Variants in TXNDC9 observed in about 807,000 individuals in gnomAD.
TXNDC9 encodes thioredoxin domain containing 9.
In TXNDC9, 7 loss-of-function variants were observed where a neutral mutation model predicts 23.0. The observed-to-expected ratio is 0.30, with a 90% CI of 0.17 to 0.57. TXNDC9 has a LOEUF of 0.57. Ranked by LOEUF, TXNDC9 falls within the 20% of genes least tolerant of loss-of-function variation. TXNDC9 has a pLI of 0.90. For synonymous variants in TXNDC9, 72 were observed against 90.6 expected (o/e 0.79, Z 1.17); for missense variants, 198 against 252.6 (o/e 0.78, Z 1.47).
At chr2:99,331,241 C>T (rs750071778) in intron 2 of TXNDC9, among the ~76,000 whole-genome samples, 6 of 152,032 alleles carry the variant, frequency 3.9e-5, no homozygotes, top group Non-Finnish European at 7.4e-5. Flanking sequence ...TCCAATAATC[C>T]GTCCTTTGCA....
chr2:99,336,099 C>A (rs2094239276), intron 1 of TXNDC9, 140 bp downstream of exon 1: 2 of 744,214 alleles, frequency 2.7e-6, no homozygotes, highest in Non-Finnish European at 1.6e-6. Flanking sequence ...CCTCCTGGTG[C>A]GCTTGCGCAA....
intron 3 of TXNDC9, among the ~76,000 whole-genome samples, chr2:99,323,544 T>C (rs1482284616): frequency 6.6e-6 from 1 of 152,152 alleles, no homozygotes; most frequent in Non-Finnish European, 1.5e-5. Flanking sequence ...AAGACCAGCC[T>C]GGTCAATATG....
the TXNDC9 span, among the ~76,000 whole-genome samples, chr2:99,308,323 G>A: frequency 7.9e-5 from 12 of 152,130 alleles, no homozygotes; most frequent in Non-Finnish European, 1.5e-4. Context: ...TCCAAATTCA[G>A]TGAATAGGTA....
At chr2:99,322,630 G>A (rs2094205221) in intron 3 of TXNDC9, 2 of 1,545,268 alleles carry the variant, frequency 1.3e-6, no homozygotes, top group Non-Finnish European at 1.7e-6. Flanking sequence ...CATTACCGAG[G>A]AAAAACTTCT....
At chr2:99,325,238 T>C (rs1249275861) in intron 3 of TXNDC9, among the ~76,000 whole-genome samples, 1 of 152,226 alleles carries the variant, frequency 6.6e-6, no homozygotes, top group Non-Finnish European at 1.5e-5. Context: ...AAATATCTCA[T>C]GTACCCCATA....
chr2:99,317,168 A>T (rs1156813436), downstream of TXNDC9, among the ~76,000 whole-genome samples: 1 of 152,134 alleles, frequency 6.6e-6, no homozygotes, highest in African/African-American at 2.4e-5. Flanking sequence ...GAACACACTT[A>T]TAATAATGCT....
At chr2:99,335,345 A>G (rs1182217580) in intron 1 of TXNDC9, among the ~76,000 whole-genome samples, 1 of 152,222 alleles carries the variant, frequency 6.6e-6, no homozygotes, top group Non-Finnish European at 1.5e-5. Flanking sequence ...CAGGAAAAGG[A>G]TTTGAAAAGC....
chr2:99,332,181 G>A (rs796618304), intron 2 of TXNDC9, among the ~76,000 whole-genome samples: 19 of 152,304 alleles, frequency 1.2e-4, no homozygotes, highest in African/African-American at 3.4e-4. Flanking sequence ...GGTAGCTCAC[G>A]CTTGTAATCC....
Position 99,319,032 on chromosome 2 carries a change from A to C in TXNDC9, c.*650T>G, listed in dbSNP as rs2105317832. 1 of 152,390 alleles carries C rather than the reference A, an allele frequency of 6.6e-6. No homozygotes were observed. 9.4% of individuals were successfully genotyped at this position (152,390 alleles called of 1,614,324 possible). The stretch of plus-strand genomic sequence containing the variant: ...ACAATTTCCACATAAACTTCCAGTT[A>C]CAGGTATTTTATTGAGCAGAGACAG... On this transcript the variant is annotated 3_prime_UTR_variant, in exon 5 of 5. Coordinates refer to ENST00000264255, the MANE Select transcript of TXNDC9 (RefSeq NM_005783.4).
At chr2:99,335,579 G>T (rs1377218193) in intron 1 of TXNDC9, among the ~76,000 whole-genome samples, 3 of 152,092 alleles carry the variant, frequency 2.0e-5, no homozygotes, top group Non-Finnish European at 4.4e-5. Context: ...GCTCCCTATC[G>T]CCCAAGAAAA....
chr2:99,311,031 C>CT, the TXNDC9 span, among the ~76,000 whole-genome samples: 42 of 148,514 alleles, frequency 2.8e-4, no homozygotes, highest in Admixed American at 6.1e-4. Flanking sequence ...TAATTTGTGT[C>CT]TTTTTTTTTT....
chr2:99,309,202 G>A, the TXNDC9 span, among the ~76,000 whole-genome samples: 14 of 148,694 alleles, frequency 9.4e-5, no homozygotes, highest in Admixed American at 7.4e-4. Flanking sequence ...ACGAAACCCC[G>A]TCTTTACTAA....
At chr2:99,310,862 T>C in the TXNDC9 span, among the ~76,000 whole-genome samples, 4 of 152,214 alleles carry the variant, frequency 2.6e-5, no homozygotes, top group Non-Finnish European at 5.9e-5. Flanking sequence ...CAGCCACATT[T>C]ATGAACCACT....
chr2:99,314,918 C>T (rs535008533), downstream of TXNDC9, among the ~76,000 whole-genome samples: 4 of 115,684 alleles, frequency 3.5e-5, no homozygotes, highest in African/African-American at 1.3e-4. Context: ...TTTTTTGAGA[C>T]GGACTCTCAC....
chr2:99,314,705 G>GT (rs2094184663), downstream of TXNDC9, among the ~76,000 whole-genome samples: 1 of 146,714 alleles, frequency 6.8e-6, no homozygotes, highest in South Asian at 2.2e-4. Flanking sequence ...TAATTTTTGT[G>GT]TTTTTAGTAG....
the TXNDC9 span, among the ~76,000 whole-genome samples, chr2:99,310,826 A>G: frequency 0.012 from 1,854 of 152,306 alleles, 19 homozygotes; most frequent in Admixed American, 0.019. Flanking sequence ...ACATTGTGGT[A>G]ATTTTTACAG....
intron 3 of TXNDC9, among the ~76,000 whole-genome samples, chr2:99,324,425 A>G (rs1280656625): frequency 6.6e-6 from 1 of 152,234 alleles, no homozygotes; most frequent in African/African-American, 2.4e-5. Flanking sequence ...TAGTTCAGTA[A>G]CGAGATTTCA....
chr2:99,336,198 G>C, intron 1 of TXNDC9, 41 bp downstream of exon 1: 4 of 985,108 alleles, frequency 4.1e-6, no homozygotes, highest in Non-Finnish European at 4.8e-6. Flanking sequence ...ACCAGCACCC[G>C]GACGTGGTGG....
At chr2:99,335,824 G>A (rs776689071) in intron 1 of TXNDC9, among the ~76,000 whole-genome samples, 18 of 152,186 alleles carry the variant, frequency 1.2e-4, no homozygotes, top group South Asian at 2.1e-4. Context: ...GTAAAGAGAC[G>A]ATGCAACCCC....
Sources: gnomAD v4.1 joint callset for allele counts (sites outside exome capture counted in the v4.1 genomes callset) on GRCh38, gnomAD v4.1.1 for gene constraint, MANE v1.5 for transcripts, NCBI Gene and HGNC (gene_info 2026-07-23, HGNC 2026-07-21) for gene names.